Variants in ZNF487 observed in about 807,000 individuals in gnomAD.
ZNF487 encodes the protein zinc finger protein 487.
Under a neutral mutation model 3.0 loss-of-function variants are expected in ZNF487, and 4 were observed. That is an observed-to-expected ratio of 1.35 (90% CI 0.66 to 3.08). The LOEUF (loss-of-function observed/expected upper bound fraction) is 3.08, where lower values mean the gene tolerates loss of function less well. ZNF487 is among the 30% of genes most tolerant of loss of function. The probability of loss-of-function intolerance (pLI) is 0.01; values close to 1 mark genes in which losing one functional copy is unlikely to be tolerated. For missense variants in ZNF487, 146 were observed against 98.7 expected, an observed-to-expected ratio of 1.48 and a Z score of -2.03; for synonymous variants, 55 against 34.6, an observed-to-expected ratio of 1.59 and a Z score of -2.06.
chr10:43,477,600 T>G (rs1167596546), intron 3 of ZNF487, among the ~76,000 whole-genome samples: 5 of 151,736 alleles, frequency 3.3e-5, no homozygotes, highest in African/African-American at 1.2e-4. Flanking sequence ...ACTTCTAAAC[T>G]TTTAAAAAGA....
intron 1 of ZNF487, among the ~76,000 whole-genome samples, chr10:43,470,083 G>A (rs1840851411): frequency 6.6e-6 from 1 of 152,180 alleles, no homozygotes; most frequent in South Asian, 2.1e-4. Flanking sequence ...TGACTCAAGT[G>A]ACATTTGCTT....
At chr10:43,454,188 G>C (rs374109609) in intron 1 of ZNF487, 1 of 152,138 alleles carries the variant, frequency 6.6e-6, no homozygotes, top group South Asian at 2.1e-4. Context: ...GAGTAGCTGG[G>C]AATACAGGTG....
chr10:43,501,426 C>T, the ZNF487 span, among the ~76,000 whole-genome samples: 2 of 152,046 alleles, frequency 1.3e-5, no homozygotes, highest in Admixed American at 1.3e-4. Context: ...TTTACTGTAA[C>T]TTTTTTCCTT....
At chr10:43,487,929 CAAAAA>C (rs76705594), downstream of ZNF487, among the ~76,000 whole-genome samples, 17 of 40,446 alleles carry the variant, frequency 4.2e-4, no homozygotes, top group African/African-American at 1.1e-3. Context: ...TACCAAAATA[CAAAAA>C]AAAAAAAAAA....
rs546411144 is a variant in ZNF487, at chr10:43,443,772, A to C, written c.-94+6510A>C. 1.1e-4 allele frequency among the ~76,000 whole-genome samples: 16 copies of C among 148,162 alleles called. No individual in the cohort carries two copies. In the East Asian group the frequency reaches 3.2e-3, roughly 30 times the overall value. ...TCCTAGCCTCAAGCAATTCCCCCCA[A>C]CTCAGCCTCCCAAAGTGTTGGGAGT... On this transcript the variant is annotated intron_variant, in intron 1 of 3. Transcript: ENST00000437590.
In ZNF487 at chr10:43,473,623, A is replaced by G. The variant is rs376014150; in HGVS notation, c.-93-2098A>G. Among the ~76,000 whole-genome samples, 94 of 151,874 alleles carry G rather than the reference A, an allele frequency of 6.2e-4. No homozygotes were observed. In the East Asian group the frequency reaches 0.011, roughly 19 times the overall value. ...AAGCTCCGCCTCCCGGGTTCACGCC[A>G]TTCTCCTGCCTCAGCCTCCTGAGTA... On this transcript the variant is annotated intron_variant, in intron 1 of 3. Coordinates refer to ENST00000437590, the MANE Select transcript of ZNF487 (RefSeq NM_001355444.3).
intron 1 of ZNF487, among the ~76,000 whole-genome samples, chr10:43,457,102 G>A (rs1840233721): frequency 6.6e-6 from 1 of 152,072 alleles, no homozygotes; most frequent in Non-Finnish European, 1.5e-5. Context: ...AACTCCAGAG[G>A]GGTGAATGTC....
chr10:43,502,308 C>T, the ZNF487 span, among the ~76,000 whole-genome samples: 1 of 152,108 alleles, frequency 6.6e-6, no homozygotes, highest in African/African-American at 2.4e-5. Context: ...CGCATATTCT[C>T]ACTCACAGGT....
At chr10:43,464,131 C>T (rs1415322577) in intron 1 of ZNF487, among the ~76,000 whole-genome samples, 1 of 151,846 alleles carries the variant, frequency 6.6e-6, no homozygotes, top group Non-Finnish European at 1.5e-5. Flanking sequence ...CTAAATTAGG[C>T]CTCTTGTGCC....
upstream of ZNF487, chr10:43,437,073 G>A: frequency 3.2e-6 from 1 of 308,820 alleles, no homozygotes; most frequent in South Asian, 2.3e-5. Flanking sequence ...GCGGGCGCCC[G>A]GGATTCGCGC....
chr10:43,451,107 C>A (rs1466733400), intron 1 of ZNF487, among the ~76,000 whole-genome samples: 1 of 151,406 alleles, frequency 6.6e-6, no homozygotes, highest in Non-Finnish European at 1.5e-5. Flanking sequence ...CCACCACGCC[C>A]AGCTAATTTT....
At chr10:43,468,062 G>A (rs574583626) in intron 1 of ZNF487, among the ~76,000 whole-genome samples, 1 of 152,312 alleles carries the variant, frequency 6.6e-6, no homozygotes, top group Admixed American at 6.5e-5. Flanking sequence ...AGTGGAGGAA[G>A]TCACTGCAGA....
chr10:43,488,900 T>G, the ZNF487 span, among the ~76,000 whole-genome samples: 3 of 151,944 alleles, frequency 2.0e-5, no homozygotes, highest in Non-Finnish European at 4.4e-5. Flanking sequence ...GAGGATCGCT[T>G]GAGGCCAGGA....
the ZNF487 span, among the ~76,000 whole-genome samples, chr10:43,504,531 G>A: frequency 2.0e-5 from 3 of 151,814 alleles, no homozygotes; most frequent in Non-Finnish European, 4.4e-5. Context: ...TCCTGACCTC[G>A]TGATCCACCC....
chr10:43,460,651 A>C (rs1310242267), intron 1 of ZNF487, among the ~76,000 whole-genome samples: 1 of 150,960 alleles, frequency 6.6e-6, no homozygotes, highest in East Asian at 1.9e-4. Context: ...TTGAGACTAC[A>C]GGTATGAGCC....
intron 3 of ZNF487, among the ~76,000 whole-genome samples, chr10:43,480,081 C>CT (rs1841291421): frequency 1.6e-5 from 2 of 124,652 alleles, no homozygotes; most frequent in African/African-American, 6.5e-5. Context: ...TCCTTCCTTC[C>CT]TTCTTTCTTT....
the ZNF487 span, among the ~76,000 whole-genome samples, chr10:43,494,413 T>C: frequency 1.3e-5 from 2 of 152,180 alleles, no homozygotes; most frequent in Admixed American, 1.3e-4. Context: ...GGCTGTGAAT[T>C]GCTTGCCAAC....
chr10:43,461,059 T>C (rs1335398312), intron 1 of ZNF487, among the ~76,000 whole-genome samples: 2 of 150,436 alleles, frequency 1.3e-5, no homozygotes, highest in Non-Finnish European at 3.0e-5. Context: ...CAGGCTGGAG[T>C]GCAATGGCGT....
At chr10:43,458,304 G>A (rs752230744) in intron 1 of ZNF487, among the ~76,000 whole-genome samples, 18 of 152,194 alleles carry the variant, frequency 1.2e-4, no homozygotes, top group Non-Finnish European at 2.4e-4. Flanking sequence ...ATGAACATTG[G>A]TTCAGTCCGG....
Sources: allele counts gnomAD v4.1 joint callset (sites outside exome capture counted in the v4.1 genomes callset), GRCh38; gene constraint gnomAD v4.1.1; transcripts MANE v1.5; gene names NCBI Gene and HGNC (gene_info 2026-07-23, HGNC 2026-07-21).